Variants in PAK5 observed in about 807,000 individuals in gnomAD.
PAK5 encodes the protein serine/threonine-protein kinase PAK 5.
Under a neutral mutation model 65.9 loss-of-function variants are expected in PAK5, and 16 were observed. The observed-to-expected ratio is 0.24, with a 90% CI of 0.16 to 0.37. The LOEUF (loss-of-function observed/expected upper bound fraction) is 0.37, where lower values mean the gene tolerates loss of function less well. Ranked by LOEUF, PAK5 falls within the 10% of genes least tolerant of loss-of-function variation. The pLI is 1.00. For synonymous variants in PAK5, 371 were observed against 354.9 expected (o/e 1.05, Z -0.51); for missense variants, 785 against 903.9 (o/e 0.87, Z 1.69).
At chr20:9,760,925 C>T (rs1231569903) in intron 1 of PAK5, among the ~76,000 whole-genome samples, 1 of 152,106 alleles carries the variant, frequency 6.6e-6, no homozygotes, top group East Asian at 1.9e-4. Flanking sequence ...CTGCCTGCTT[C>T]AGCCTCCCAA....
At position 9,549,751 on chromosome 20, in the gene PAK5, ACT is replaced by A. The variant is rs146502999; in HGVS notation, c.1744-5259_1744-5258del. 4.8e-3 allele frequency among the ~76,000 whole-genome samples: 730 copies of A among 152,170 alleles called. 6 individuals are homozygous for A. Among genetic ancestry groups the A allele is most frequent in the African/African-American group, 0.015 (634 of 41,512 alleles). The stretch of plus-strand genomic sequence containing the variant: ...TAGGTAAATACCTCCATAGGTAGTG[ACT>A]CTATGTTCACATCATATTCTGTAAA... On this transcript the variant is annotated intron_variant, in intron 7 of 9. Coordinates refer to ENST00000353224, the MANE Select transcript of PAK5 (RefSeq NM_177990.4).
At chr20:9,794,291 T>C (rs1198489742) in intron 1 of PAK5, among the ~76,000 whole-genome samples, 1 of 151,986 alleles carries the variant, frequency 6.6e-6, no homozygotes. Context: ...CATATATACC[T>C]ATGTAACAAA....
rs1174555607 is a variant in PAK5 at position 9,808,360 on chromosome 20, A to T, written c.-162+30402T>A. On this transcript the variant is annotated intron_variant, in intron 1 of 9. Coordinates refer to ENST00000353224, the MANE Select transcript of PAK5 (RefSeq NM_177990.4). Reference sequence around the variant, plus strand: ...AAACAGTTTGGCCGTTCCTCAACTGAGTTACCATATGGCTTGGTAATTGCA... The same window carrying T: ...AAACAGTTTGGCCGTTCCTCAACTGTGTTACCATATGGCTTGGTAATTGCA... Among the ~76,000 whole-genome samples, 4 of 152,188 alleles carry T rather than the reference A, an allele frequency of 2.6e-5. No individual in the cohort carries two copies. The East Asian group carries it at 7.7e-4, about 29-fold the overall frequency.
chr20:9,784,015 G>C (rs533684374), intron 1 of PAK5, among the ~76,000 whole-genome samples: 18 of 152,236 alleles, frequency 1.2e-4, no homozygotes, highest in Non-Finnish European at 2.5e-4. Context: ...CCATGAGACT[G>C]TAATTTAAGT....
chr20:9,565,240 A>G (rs2045656059), intron 5 of PAK5, among the ~76,000 whole-genome samples: 1 of 152,142 alleles, frequency 6.6e-6, no homozygotes, highest in South Asian at 2.1e-4. Flanking sequence ...GAAATTTGTA[A>G]ACAGAAAAAT....
At chr20:9,595,220 A>G (rs960002758) in intron 3 of PAK5, among the ~76,000 whole-genome samples, 1 of 152,084 alleles carries the variant, frequency 6.6e-6, no homozygotes. Flanking sequence ...AAGAAACAGC[A>G]ATTCAAAACA....
At chr20:9,753,551 C>A (rs1387550519) in intron 1 of PAK5, among the ~76,000 whole-genome samples, 1 of 152,066 alleles carries the variant, frequency 6.6e-6, no homozygotes, top group African/African-American at 2.4e-5. Flanking sequence ...AATTAACATA[C>A]AATTTTCCAC....
intron 2 of PAK5, among the ~76,000 whole-genome samples, chr20:9,687,178 G>C (rs1255137382): frequency 6.6e-6 from 1 of 152,154 alleles, no homozygotes; most frequent in African/African-American, 2.4e-5. Context: ...CAGCCCCAAG[G>C]CTGCCCATAC....
chr20:9,713,642 G>C (rs1569054555), intron 1 of PAK5, among the ~76,000 whole-genome samples: 1 of 150,468 alleles, frequency 6.6e-6, no homozygotes, highest in African/African-American at 2.4e-5. Flanking sequence ...AATAGATAAA[G>C]AAAATGTGGT....
chr20:9,792,171 T>A (rs1180733707), intron 1 of PAK5, among the ~76,000 whole-genome samples: 1 of 152,158 alleles, frequency 6.6e-6, no homozygotes, highest in African/African-American at 2.4e-5. Flanking sequence ...GCTAACAATG[T>A]AAGAAAATGT....
At chr20:9,695,837 C>T (rs977357088) in intron 2 of PAK5, among the ~76,000 whole-genome samples, 1 of 151,506 alleles carries the variant, frequency 6.6e-6, no homozygotes, top group Non-Finnish European at 1.5e-5. Context: ...TCTAAAAAAA[C>T]TTCTAAGTTC....
At chr20:9,629,606 G>C (rs1016079277) in intron 3 of PAK5, among the ~76,000 whole-genome samples, 1 of 152,120 alleles carries the variant, frequency 6.6e-6, no homozygotes, top group Non-Finnish European at 1.5e-5. Context: ...TTACAGGTGT[G>C]AGCCACCATG....
chr20:9,615,367 C>A (rs2046636414), intron 3 of PAK5, among the ~76,000 whole-genome samples: 1 of 152,174 alleles, frequency 6.6e-6, no homozygotes, highest in African/African-American at 2.4e-5. Flanking sequence ...CTGCAACAAA[C>A]ATGCCACTTT....
At chr20:9,775,101 G>A (rs1311066911) in intron 1 of PAK5, among the ~76,000 whole-genome samples, 1 of 152,162 alleles carries the variant, frequency 6.6e-6, no homozygotes, top group African/African-American at 2.4e-5. Context: ...GGTTACATTG[G>A]GGGTGGTAGC....
intron 1 of PAK5, among the ~76,000 whole-genome samples, chr20:9,827,618 G>C (rs1978367596): frequency 1.3e-5 from 2 of 152,006 alleles, no homozygotes; most frequent in South Asian, 4.2e-4. Flanking sequence ...GGAGGATTTT[G>C]GGGGAGGGGG....
At chr20:9,769,478 G>A (rs1420571281) in intron 1 of PAK5, among the ~76,000 whole-genome samples, 2 of 152,206 alleles carry the variant, frequency 1.3e-5, no homozygotes, top group East Asian at 3.8e-4. Flanking sequence ...TTGCCATAGG[G>A]CGATGACTTT....
chr20:9,807,740 C>G (rs116250255), intron 1 of PAK5, among the ~76,000 whole-genome samples: 1 of 128,108 alleles, frequency 7.8e-6, no homozygotes, highest in South Asian at 2.6e-4. Context: ...GCAACAGTAA[C>G]GACTCCCTTC....
intron 1 of PAK5, chr20:9,818,730 A>C (rs931769209): frequency 1.3e-5 from 2 of 152,216 alleles, no homozygotes; most frequent in African/African-American, 4.8e-5. Context: ...GAGGTCCAGA[A>C]GACAGTCATT....
chr20:9,812,309 A>G (rs2049306715), intron 1 of PAK5, among the ~76,000 whole-genome samples: 1 of 152,184 alleles, frequency 6.6e-6, no homozygotes, highest in Admixed American at 6.5e-5. Context: ...CGATGTTTAA[A>G]ATCAACACAA....
Sources: gnomAD v4.1 joint callset for allele counts (sites outside exome capture counted in the v4.1 genomes callset) on GRCh38, gnomAD v4.1.1 for gene constraint, MANE v1.5 for transcripts, NCBI Gene and HGNC (gene_info 2026-07-23, HGNC 2026-07-21) for gene names.